The following IGF2BP2 variants were observed in gnomAD, a reference collection of about 807,000 sequenced individuals.
IGF2BP2 encodes the protein insulin like growth factor 2 mRNA binding protein 2.
A neutral mutation model predicts 75.8 loss-of-function variants in IGF2BP2; 17 were observed. The ratio of observed to expected loss-of-function variants is 0.22; its 90% confidence interval spans 0.15 to 0.34. The LOEUF (loss-of-function observed/expected upper bound fraction) is 0.34. Ranked by LOEUF, IGF2BP2 falls within the 10% of genes least tolerant of loss-of-function variation. IGF2BP2 has a pLI of 1.00. For missense variants in IGF2BP2, 516 were observed against 772.4 expected (o/e 0.67, Z 3.93); for synonymous variants, 288 against 295.6 (o/e 0.97, Z 0.26).
At chr3:185,741,221 A>C (rs1729512529) in intron 2 of IGF2BP2, among the ~76,000 whole-genome samples, 2 of 152,094 alleles carry the variant, frequency 1.3e-5, no homozygotes, top group Admixed American at 6.6e-5. Flanking sequence ...CAAGGGTAAA[A>C]TACTCCAATA....
chr3:185,723,040 G>A (rs1726793940), intron 2 of IGF2BP2, among the ~76,000 whole-genome samples: 2 of 152,134 alleles, frequency 1.3e-5, no homozygotes, highest in Admixed American at 1.3e-4. Context: ...GAAAACTGTT[G>A]AAACGTTTCT....
intron 2 of IGF2BP2, among the ~76,000 whole-genome samples, chr3:185,797,393 T>C (rs895774878): frequency 6.6e-6 from 1 of 152,176 alleles, no homozygotes; most frequent in Non-Finnish European, 1.5e-5. Flanking sequence ...ATATCATTTG[T>C]TTACACTCTT....
Position 185,728,788 on chromosome 3 carries a change from T to C in IGF2BP2, c.240-30441A>G, listed in dbSNP as rs550280985. ...CGCAGGCAATCAAAACCCCGAGTCA[T>C]GCTCTTAACCACTACGCCACGAGTT... On this transcript the variant is annotated intron_variant, in intron 2 of 15. Transcript: ENST00000382199. 11 of 152,350 alleles carry C rather than the reference T, an allele frequency of 7.2e-5. No homozygotes were observed. In the South Asian group the frequency reaches 2.3e-3, roughly 32 times the overall value. The allele number at this position is 152,350 out of a possible 1,614,324, so 9.4% of individuals were successfully genotyped here. A position where few individuals can be genotyped will look rare whatever the true frequency, so the allele number is the denominator to read the frequency against.
At chr3:185,689,272 A>G in intron 6 of IGF2BP2, 83 bp downstream of exon 6, 2 of 1,438,436 alleles carry the variant, frequency 1.4e-6, no homozygotes, top group Admixed American at 4.0e-5. Context: ...GATGTAAGCA[A>G]TTGTGACCTA....
At position 185,672,538 on chromosome 3, in the gene IGF2BP2, T is replaced by C. The variant is rs1486548655; in HGVS notation, c.1200+3A>G. The C allele has an allele frequency of 6.2e-7, 1 of 1,610,130 alleles. No individual in the cohort carries two copies. Among genetic ancestry groups the C allele is most frequent in the Non-Finnish European group, 8.5e-7 (1 of 1,178,044 alleles). On this transcript the variant is annotated splice_donor_region_variant and intron_variant, in intron 10 of 15. Coordinates refer to ENST00000382199, the MANE Select transcript of IGF2BP2 (RefSeq NM_006548.6). ...GCAAACCTCCACAAGCTGAGCTACT[T>C]ACAGTGAAGGGGTGGTAGGGGGCAG...
chr3:185,665,647 T>A (rs1717445323), intron 10 of IGF2BP2, among the ~76,000 whole-genome samples: 1 of 151,480 alleles, frequency 6.6e-6, no homozygotes. Flanking sequence ...AAGAAACAAT[T>A]CTAGAAGTAA....
chr3:185,808,973 T>C (rs1739428048), intron 2 of IGF2BP2, among the ~76,000 whole-genome samples: 1 of 152,210 alleles, frequency 6.6e-6, no homozygotes, highest in African/African-American at 2.4e-5. Context: ...TTGTTAGACT[T>C]GTCTGGTTTT....
chr3:185,815,775 C>T (rs879777714), intron 2 of IGF2BP2, among the ~76,000 whole-genome samples: 5 of 152,002 alleles, frequency 3.3e-5, no homozygotes, highest in Non-Finnish European at 7.4e-5. Context: ...CCACCAGCAC[C>T]ATAAACAGTC....
At chr3:185,772,577 C>CTTTTT (rs368068706) in intron 2 of IGF2BP2, among the ~76,000 whole-genome samples, 5 of 118,200 alleles carry the variant, frequency 4.2e-5, no homozygotes, top group African/African-American at 3.5e-5. Context: ...CCTTCTCTCT[C>CTTTTT]TTTTTTTTTT....
At chr3:185,749,487 C>A (rs2149618293) in intron 2 of IGF2BP2, among the ~76,000 whole-genome samples, 1 of 152,310 alleles carries the variant, frequency 6.6e-6, no homozygotes, top group African/African-American at 2.4e-5. Flanking sequence ...GAAGTATAAA[C>A]AATTCATGAA....
At chr3:185,747,070 T>C (rs1188236788) in intron 2 of IGF2BP2, among the ~76,000 whole-genome samples, 1 of 152,172 alleles carries the variant, frequency 6.6e-6, no homozygotes, top group East Asian at 1.9e-4. Context: ...ACGAACAATT[T>C]CCAAGTCACT....
intron 2 of IGF2BP2, among the ~76,000 whole-genome samples, chr3:185,704,459 C>CT (rs984382266): frequency 9.2e-5 from 14 of 151,922 alleles, no homozygotes; most frequent in Non-Finnish European, 1.0e-4. Flanking sequence ...CCAACTGTCT[C>CT]TTTTTTTTGA....
chr3:185,811,215 T>C (rs911940770), intron 2 of IGF2BP2, among the ~76,000 whole-genome samples: 1 of 152,086 alleles, frequency 6.6e-6, no homozygotes. Flanking sequence ...TGATGAAAAA[T>C]GGCTACTGCA....
At chr3:185,797,615 T>C (rs565108559) in intron 2 of IGF2BP2, among the ~76,000 whole-genome samples, 2 of 152,228 alleles carry the variant, frequency 1.3e-5, no homozygotes, top group Admixed American at 1.3e-4. Flanking sequence ...TAAAAATGCT[T>C]TTCACAGGCC....
At chr3:185,785,349 C>T (rs1433194199) in intron 2 of IGF2BP2, among the ~76,000 whole-genome samples, 1 of 150,038 alleles carries the variant, frequency 6.7e-6, no homozygotes, top group Non-Finnish European at 1.5e-5. Flanking sequence ...TTATATGGAG[C>T]TTTCGGGGTA....
In IGF2BP2 at chr3:185,824,944, TA is replaced by T; in HGVS notation, c.16del (p.Tyr6ThrfsTer5). MMNKL[Y>X]IGNLSPAVTA... ...GACGGCGGGGCTCAGGTTCCCGATG[TA>T]AAGCTTGTTCATCATCCGTCTCTTC... On this transcript the variant is annotated frameshift_variant, in exon 1 of 16. Coordinates refer to ENST00000382199, the MANE Select transcript of IGF2BP2 (RefSeq NM_006548.6). LOFTEE classifies it high-confidence loss of function. 6.4e-7 allele frequency: 1 copy of T among 1,551,808 alleles called. No homozygotes were observed. The highest frequency in any genetic ancestry group is 1.2e-5 in the South Asian group (1 of 84,584).
intron 2 of IGF2BP2, among the ~76,000 whole-genome samples, chr3:185,786,176 G>A (rs1012810133): frequency 8.6e-5 from 13 of 151,090 alleles, no homozygotes; most frequent in Middle Eastern, 3.2e-3. Context: ...GATGTACTGC[G>A]TCCCTTTGAA....
In IGF2BP2 at chr3:185,707,295, CTTTTTTTTTTTTTTT is replaced by C. The variant is rs1159568857; in HGVS notation, c.240-8963_240-8949del. Among the ~76,000 whole-genome samples the C allele has an allele frequency of 3.1e-3, 123 of 39,868 alleles. 6 individuals carry two copies. Among genetic ancestry groups the C allele is most frequent in the Admixed American group, 5.6e-3 (15 of 2,664 alleles). The allele number at this position is 39,868 out of a possible 152,430, so 26.2% of individuals were successfully genotyped here. On this transcript the variant is annotated intron_variant, in intron 2 of 15. Transcript: ENST00000382199. ...TTATATTCAGTGTGTAACGAAGGGG[CTTTTTTTTTTTTTTT>C]TTTTTTTTTTTTTTTGAGATGGAGT...
intron 2 of IGF2BP2, among the ~76,000 whole-genome samples, chr3:185,710,714 T>C (rs1402846441): frequency 6.6e-6 from 1 of 151,354 alleles, no homozygotes; most frequent in East Asian, 1.9e-4. Flanking sequence ...GCCTGGGCAA[T>C]AGAGCGAGAC....
Sources: gnomAD v4.1 joint callset for allele counts (sites outside exome capture counted in the v4.1 genomes callset) on GRCh38, gnomAD v4.1.1 for gene constraint, MANE v1.5 for transcripts, NCBI Gene and HGNC (gene_info 2026-07-23, HGNC 2026-07-21) for gene names.